Variants in CACUL1 observed in about 807,000 individuals in gnomAD.
CACUL1 encodes CDK2-associated and cullin domain-containing protein 1.
Under a neutral mutation model 45.2 loss-of-function variants are expected in CACUL1, and 13 were observed. That is an observed-to-expected ratio of 0.29 (90% CI 0.19 to 0.46). The LOEUF is 0.46. Ranked by LOEUF, CACUL1 falls within the 20% of genes least tolerant of loss-of-function variation. The pLI is 1.00. For missense variants in CACUL1, 421 were observed against 471.4 expected (o/e 0.89, Z 0.99); for synonymous variants, 197 against 174.2 (o/e 1.13, Z -1.03).
chr10:118,685,399 T>C lies in CACUL1; in HGVS notation c.*729A>G, dbSNP rs554362824. ...GACCCATGTGCAAAAGGTTTCTATTTTCCCACTTAATTAGCATCCTGCTAC... is the reference window on the plus strand; with the variant it reads ...GACCCATGTGCAAAAGGTTTCTATTCTCCCACTTAATTAGCATCCTGCTAC... On this transcript the variant is annotated 3_prime_UTR_variant, in exon 9 of 9. Transcript: ENST00000369151. 36 of 127,122 alleles carry C rather than the reference T, an allele frequency of 2.8e-4. No individual in the cohort carries two copies. The highest frequency in any genetic ancestry group is 9.9e-4 in the African/African-American group (35 of 35,330). 7.9% of individuals were successfully genotyped at this position (127,122 alleles called of 1,614,324 possible). A position where few individuals can be genotyped will look rare whatever the true frequency, so the allele number is the denominator to read the frequency against.
intron 3 of CACUL1, 113 bp from the exon 4 acceptor site, chr10:118,707,700 A>AC (rs1845445778): frequency 4.1e-6 from 2 of 483,834 alleles, no homozygotes; most frequent in Non-Finnish European, 7.2e-6. Context: ...TTCACAATTA[A>AC]CAAAAAAAAA....
chr10:118,685,099 T>C lies in CACUL1; in HGVS notation c.*1029A>G, dbSNP rs574185824. The C allele has an allele frequency of 6.6e-6, 1 of 152,188 alleles. No individual in the cohort carries two copies. Among genetic ancestry groups the C allele is most frequent in the South Asian group, 2.1e-4 (1 of 4,830 alleles). 9.4% of individuals were successfully genotyped at this position (152,188 alleles called of 1,614,324 possible). A position where few individuals can be genotyped will look rare whatever the true frequency, so the allele number is the denominator to read the frequency against. Reference sequence around the variant, plus strand: ...AGACTTTTTTTAAGTAATTATCTCATTCATTTAAAATGAAGTGATCAGGAA... The same window carrying C: ...AGACTTTTTTTAAGTAATTATCTCACTCATTTAAAATGAAGTGATCAGGAA... On this transcript the variant is annotated 3_prime_UTR_variant, in exon 9 of 9. Transcript: ENST00000369151.
chr10:118,736,784 G>A lies in CACUL1; in HGVS notation c.368-6374C>T, dbSNP rs375551819. Among the ~76,000 whole-genome samples the A allele has an allele frequency of 3.0e-3, 462 of 152,122 alleles. 2 individuals carry two copies. The highest frequency in any genetic ancestry group is 0.011 in the African/African-American group (442 of 41,488). ...GTCTTGGAAGTTCCAATCATGATAG[G>A]TGCCCTATACACGCATACCATTTTT... On this transcript the variant is annotated intron_variant, in intron 1 of 8. Transcript: ENST00000369151.
In CACUL1 at chr10:118,684,552, T is replaced by G. The variant is rs950290945; in HGVS notation, c.*1576A>C. 2 of 152,238 alleles carry G rather than the reference T, an allele frequency of 1.3e-5. No individual in the cohort carries two copies. The highest frequency in any genetic ancestry group is 2.9e-5 in the Non-Finnish European group (2 of 68,048). The allele number at this position is 152,238 out of a possible 1,614,324, so 9.4% of individuals were successfully genotyped here. On this transcript the variant is annotated 3_prime_UTR_variant, in exon 9 of 9. Transcript: ENST00000369151. ...GTCCACAAAATCCACGAACTCTGGTTAAGTACTTTAAAAAATAAATCTGAC... is the reference window on the plus strand; with the variant it reads ...GTCCACAAAATCCACGAACTCTGGTGAAGTACTTTAAAAAATAAATCTGAC...
chr10:118,731,417 A>C (rs1212975023), intron 1 of CACUL1, among the ~76,000 whole-genome samples: 1 of 152,218 alleles, frequency 6.6e-6, no homozygotes, highest in East Asian at 1.9e-4. Context: ...TCCAGGTTCA[A>C]GATTTTTTTC....
intron 3 of CACUL1, among the ~76,000 whole-genome samples, chr10:118,720,698 G>C (rs1845591953): frequency 6.6e-6 from 1 of 152,178 alleles, no homozygotes; most frequent in Non-Finnish European, 1.5e-5. Context: ...CTTATACCAA[G>C]TACTTTTTAC....
At chr10:118,686,374 C>T (rs1169418158) in intron 8 of CACUL1, among the ~76,000 whole-genome samples, 3 of 152,150 alleles carry the variant, frequency 2.0e-5, no homozygotes, top group Non-Finnish European at 2.9e-5. Flanking sequence ...GATGTCATCC[C>T]AGTAGAAACT....
At chr10:118,706,532 T>C (rs1166014990) in intron 4 of CACUL1, among the ~76,000 whole-genome samples, 1 of 152,234 alleles carries the variant, frequency 6.6e-6, no homozygotes, top group Non-Finnish European at 1.5e-5. Context: ...AATTCTGCTA[T>C]CCTAGATGCA....
At chr10:118,748,085 CA>C (rs796805762) in intron 1 of CACUL1, among the ~76,000 whole-genome samples, 6 of 149,466 alleles carry the variant, frequency 4.0e-5, no homozygotes, top group Admixed American at 3.3e-4. Flanking sequence ...ATCCCATCTC[CA>C]AAAAAAAAGA....
intron 7 of CACUL1, among the ~76,000 whole-genome samples, chr10:118,687,826 AT>A (rs534912245): frequency 5.1e-4 from 76 of 149,494 alleles, no homozygotes; most frequent in South Asian, 1.9e-3. Flanking sequence ...ACTCAATATT[AT>A]TTTTTTTTTA....
intron 1 of CACUL1, among the ~76,000 whole-genome samples, chr10:118,743,850 A>G (rs1305742987): frequency 2.6e-5 from 4 of 152,224 alleles, no homozygotes; most frequent in Non-Finnish European, 5.9e-5. Flanking sequence ...ATATCCTTAG[A>G]AAATGAAGAT....
chr10:118,708,603 C>G (rs1434036220), intron 3 of CACUL1, among the ~76,000 whole-genome samples: 1 of 151,988 alleles, frequency 6.6e-6, no homozygotes, highest in Non-Finnish European at 1.5e-5. Flanking sequence ...ATGTTGAAGC[C>G]CTAAACCCCT....
chr10:118,742,396 T>G (rs903138626), intron 1 of CACUL1, among the ~76,000 whole-genome samples: 10 of 152,254 alleles, frequency 6.6e-5, no homozygotes, highest in African/African-American at 2.2e-4. Flanking sequence ...GAGTTTACAG[T>G]AAATAAACAG....
chr10:118,745,632 G>T (rs1046242433), intron 1 of CACUL1, among the ~76,000 whole-genome samples: 3 of 152,060 alleles, frequency 2.0e-5, no homozygotes, highest in Non-Finnish European at 4.4e-5. Flanking sequence ...AAACAAAAGT[G>T]CAAGACAATA....
chr10:118,753,037 T>C (rs2119692281), intron 1 of CACUL1, among the ~76,000 whole-genome samples: 1 of 152,352 alleles, frequency 6.6e-6, no homozygotes, highest in South Asian at 2.1e-4. Flanking sequence ...GTTCTCAATT[T>C]TACTGATTTC....
rs554944831 is a variant in CACUL1, at chr10:118,689,695, A to G, written c.1025+1570T>C. ...AAGCAAATCTGACATAAGAGCTACT[A>G]TAAACCAAGCAGTCCTGCACCCTGT... On this transcript the variant is annotated intron_variant, in intron 7 of 8. Coordinates refer to ENST00000369151, the MANE Select transcript of CACUL1 (RefSeq NM_153810.5). Among the ~76,000 whole-genome samples, 7 of 152,118 alleles carry G rather than the reference A, an allele frequency of 4.6e-5. No homozygotes were observed. In the South Asian group the frequency reaches 1.2e-3, roughly 27 times the overall value.
chr10:118,738,915 A>AAAAAAAAAAAAAAT (rs59742595), intron 1 of CACUL1, among the ~76,000 whole-genome samples: 31 of 147,620 alleles, frequency 2.1e-4, no homozygotes, highest in African/African-American at 7.7e-4. Flanking sequence ...AAAAAAAAAA[A>AAAAAAAAAAAAAAT]GCCTGGGCGC....
At chr10:118,737,473 T>A (rs1845750914) in intron 1 of CACUL1, among the ~76,000 whole-genome samples, 1 of 152,122 alleles carries the variant, frequency 6.6e-6, no homozygotes, top group Non-Finnish European at 1.5e-5. Context: ...CCCTACCCCA[T>A]AACAAGACAA....
intron 3 of CACUL1, among the ~76,000 whole-genome samples, chr10:118,708,373 T>C (rs1175136570): frequency 6.9e-6 from 1 of 144,452 alleles, no homozygotes; most frequent in African/African-American, 2.7e-5. Flanking sequence ...AACTTGGTTG[T>C]AAACCCTTCT....
Sources: allele counts gnomAD v4.1 joint callset (sites outside exome capture counted in the v4.1 genomes callset), GRCh38; gene constraint gnomAD v4.1.1; transcripts MANE v1.5; gene names NCBI Gene and HGNC (gene_info 2026-07-23, HGNC 2026-07-21).